The following TRHDE variants were observed in gnomAD, a reference collection of about 807,000 sequenced individuals.
The protein encoded by TRHDE is thyrotropin-releasing hormone-degrading ectoenzyme.
TRHDE carries 72 observed loss-of-function variants against 125.7 expected under a neutral mutation model. The observed-to-expected ratio is 0.57, with a 90% CI of 0.47 to 0.70. The LOEUF (loss-of-function observed/expected upper bound fraction) is 0.70, where lower values mean the gene tolerates loss of function less well. Among genes scored for constraint, TRHDE ranks in the 30% least tolerant of loss-of-function variants. TRHDE has a pLI of 0.00. For synonymous variants in TRHDE, 509 were observed against 509.1 expected (o/e 1.00, Z 0.00); for missense variants, 1,110 against 1,327.1 (o/e 0.84, Z 2.54).
At chr12:72,308,522 G>A (rs971447206) in intron 2 of TRHDE, among the ~76,000 whole-genome samples, 10 of 151,960 alleles carry the variant, frequency 6.6e-5, no homozygotes, top group African/African-American at 1.7e-4. Context: ...GAGATTACAC[G>A]TAAAAAGTAC....
At chr12:72,243,416 C>T (rs1218280441) in intron 2 of TRHDE, among the ~76,000 whole-genome samples, 1 of 152,112 alleles carries the variant, frequency 6.6e-6, no homozygotes, top group African/African-American at 2.4e-5. Context: ...TAAAATGTGG[C>T]TATTCTGAAT....
At chr12:72,313,310 TA>T (rs1171608024) in intron 2 of TRHDE, among the ~76,000 whole-genome samples, 3 of 151,984 alleles carry the variant, frequency 2.0e-5, no homozygotes, top group Non-Finnish European at 2.9e-5. Context: ...AGTTTTTAAA[TA>T]TTTGACCACA....
At chr12:72,299,455 A>G (rs1880424600) in intron 2 of TRHDE, among the ~76,000 whole-genome samples, 2 of 152,188 alleles carry the variant, frequency 1.3e-5, no homozygotes, top group African/African-American at 2.4e-5. Flanking sequence ...ACCAATCACT[A>G]CCCATATGTG....
chr12:72,420,820 T>C (rs1291159912), intron 3 of TRHDE, among the ~76,000 whole-genome samples: 1 of 152,150 alleles, frequency 6.6e-6, no homozygotes, highest in Non-Finnish European at 1.5e-5. Context: ...CAACATACTC[T>C]CAAACAAAAT....
At chr12:72,157,272 C>G (rs1876536962) in intron 2 of TRHDE, among the ~76,000 whole-genome samples, 1 of 151,994 alleles carries the variant, frequency 6.6e-6, no homozygotes, top group Non-Finnish European at 1.5e-5. Flanking sequence ...TAGCTAGGAT[C>G]CTTGAAGGGC....
rs747641170 is a variant in TRHDE at position 72,499,528 on chromosome 12, C to A, written c.1615C>A (p.His539Asn). The part of the protein sequence containing the change: ...EKQRFLTDVL[H>N]EVMLLDGLAS... Reference sequence around the variant, plus strand: ...GCAGAGGTTTCTGACCGATGTTCTGCATGAAGTGATGCTGCTGGACGGTTT... The same window carrying A: ...GCAGAGGTTTCTGACCGATGTTCTGAATGAAGTGATGCTGCTGGACGGTTT... The change falls in exon 6 of 19, where the codon CAT becomes AAT. Residue 539 changes from histidine (H) to asparagine (N), a missense_variant. Physicochemically the swap from His to Asn is moderately conservative, Grantham distance 68 (BLOSUM62 1). Around this residue, in one of 5 missense-constraint regions of TRHDE, gnomAD observed 527 missense variants for 651.8 expected, o/e 0.81. Coordinates refer to ENST00000261180, the MANE Select transcript of TRHDE (RefSeq NM_013381.3). 1.9e-6 allele frequency: 3 copies of A among 1,613,742 alleles called. No homozygotes were observed. Among genetic ancestry groups the A allele is most frequent in the Non-Finnish European group, 2.5e-6 (3 of 1,179,826 alleles).
chr12:72,235,232 T>A (rs1351807003), intron 2 of TRHDE, among the ~76,000 whole-genome samples: 2 of 152,186 alleles, frequency 1.3e-5, no homozygotes, highest in African/African-American at 2.4e-5. Flanking sequence ...GACACAGTTA[T>A]GGGTTAATGA....
rs1482393114 is a variant in TRHDE, at chr12:72,670,458, C to T, written c.*7263C>T. 1 of 151,640 alleles carries T rather than the reference C, an allele frequency of 6.6e-6. No homozygotes were observed. The highest frequency in any genetic ancestry group is 1.9e-4 in the East Asian group (1 of 5,146). 9.4% of individuals were successfully genotyped at this position (151,640 alleles called of 1,614,324 possible). On this transcript the variant is annotated 3_prime_UTR_variant, in exon 19 of 19. Transcript: ENST00000261180. ...CTGCCTCTGATAATCAAATTTTGTA[C>T]AGCAATGTGTAATGTGTCACAATTT...
intron 2 of TRHDE, among the ~76,000 whole-genome samples, chr12:72,327,805 T>C (rs1314450376): frequency 6.6e-6 from 1 of 151,692 alleles, no homozygotes; most frequent in East Asian, 2.0e-4. Context: ...TTTGATTACA[T>C]ATCAGACTGT....
intron 5 of TRHDE, among the ~76,000 whole-genome samples, chr12:72,498,717 T>G (rs1878019325): frequency 6.6e-6 from 1 of 152,162 alleles, no homozygotes. Flanking sequence ...TTTCCTTAGT[T>G]TATTTTTTAA....
At chr12:72,371,744 G>A (rs1431385603) in intron 2 of TRHDE, among the ~76,000 whole-genome samples, 1 of 152,014 alleles carries the variant, frequency 6.6e-6, no homozygotes, top group East Asian at 1.9e-4. Context: ...TGGCCGCATA[G>A]TATTCCATGG....
At chr12:72,530,504 A>G (rs745862295) in intron 6 of TRHDE, among the ~76,000 whole-genome samples, 1 of 113,718 alleles carries the variant, frequency 8.8e-6, no homozygotes, top group Non-Finnish European at 1.7e-5. Flanking sequence ...ACTTTTCTCA[A>G]CCTCTAAATA....
At chr12:72,253,363 C>T (rs985050941) in intron 2 of TRHDE, 4 of 152,826 alleles carry the variant, frequency 2.6e-5, no homozygotes, top group Non-Finnish European at 5.8e-5. Context: ...TTCTTTTCTT[C>T]TTCTGCTTCC....
intron 5 of TRHDE, among the ~76,000 whole-genome samples, chr12:72,495,967 G>A (rs1018450729): frequency 5.3e-5 from 8 of 152,110 alleles, no homozygotes; most frequent in African/African-American, 1.7e-4. Context: ...ACCACTCTAG[G>A]TAGTATCTAC....
At chr12:72,521,396 C>T (rs894306722) in intron 6 of TRHDE, among the ~76,000 whole-genome samples, 3 of 152,168 alleles carry the variant, frequency 2.0e-5, no homozygotes, top group African/African-American at 7.2e-5. Flanking sequence ...TATGCCAAGG[C>T]TATCTTGGAG....
intron 3 of TRHDE, among the ~76,000 whole-genome samples, chr12:72,383,558 G>A (rs1236255111): frequency 6.6e-6 from 1 of 151,378 alleles, no homozygotes; most frequent in Non-Finnish European, 1.5e-5. Flanking sequence ...TGTGTTTTTA[G>A]TACAGACAGG....
chr12:72,534,252 A>G (rs540195520), intron 6 of TRHDE, among the ~76,000 whole-genome samples: 3 of 152,332 alleles, frequency 2.0e-5, no homozygotes, highest in East Asian at 3.9e-4. Context: ...GTCATGTGAA[A>G]CAATTAGCTA....
chr12:72,289,657 G>A (rs2139431955), intron 2 of TRHDE, among the ~76,000 whole-genome samples: 1 of 152,268 alleles, frequency 6.6e-6, no homozygotes, highest in East Asian at 1.9e-4. Flanking sequence ...TGACTGAATG[G>A]CAGGTATTGT....
chr12:72,342,324 G>A (rs4760763), intron 2 of TRHDE, among the ~76,000 whole-genome samples: 19,299 of 151,976 alleles, frequency 0.13, 1,785 homozygotes, highest in East Asian at 0.46. Flanking sequence ...TTTAGTTCTC[G>A]TCTAATCATT....
Sources: gnomAD v4.1 joint callset for allele counts (sites outside exome capture counted in the v4.1 genomes callset) on GRCh38, gnomAD v4.1.1 for gene constraint, gnomAD v4.1.1 regional missense constraint, MANE v1.5 for transcripts, NCBI Gene and HGNC (gene_info 2026-07-23, HGNC 2026-07-21) for gene names.